The following FMN2 variants were observed in gnomAD, a reference collection of about 807,000 sequenced individuals.
FMN2 encodes formin 2, also known as formin-2.
A neutral mutation model predicts 142.3 loss-of-function variants in FMN2; 51 were observed. The observed-to-expected ratio is 0.36, with a 90% CI of 0.29 to 0.45. The LOEUF is 0.45. Among genes scored for constraint, FMN2 ranks in the 20% least tolerant of loss-of-function variants. FMN2 has a pLI of 1.00. For missense variants in FMN2, 1,936 were observed against 2,122.8 expected (o/e 0.91, Z 1.73); for synonymous variants, 882 against 869.8 (o/e 1.01, Z -0.25).
At chr1:240,465,969 T>C (rs1323295915) in intron 16 of FMN2, among the ~76,000 whole-genome samples, 1 of 152,158 alleles carries the variant, frequency 6.6e-6, no homozygotes. Context: ...TGACAATAAA[T>C]GGGTCTGGGG....
chr1:240,260,968 G>A (rs2102902488), intron 7 of FMN2, among the ~76,000 whole-genome samples: 1 of 152,256 alleles, frequency 6.6e-6, no homozygotes, highest in South Asian at 2.1e-4. Flanking sequence ...TTCTCCTACA[G>A]TGTCTTGCCA....
intron 2 of FMN2, among the ~76,000 whole-genome samples, chr1:240,134,826 T>C (rs1167966642): frequency 1.3e-5 from 2 of 152,168 alleles, no homozygotes; most frequent in Non-Finnish European, 2.9e-5. Flanking sequence ...TTTACTGCTA[T>C]AATTACCACA....
chr1:240,155,367 C>G (rs1663979155), intron 2 of FMN2, among the ~76,000 whole-genome samples: 1 of 152,188 alleles, frequency 6.6e-6, no homozygotes, highest in Admixed American at 6.5e-5. Flanking sequence ...TAGCTTCTAA[C>G]TCCTAGCCTC....
chr1:240,169,744 G>T (rs1358202217), intron 2 of FMN2, among the ~76,000 whole-genome samples: 2 of 152,126 alleles, frequency 1.3e-5, no homozygotes, highest in Non-Finnish European at 2.9e-5. Flanking sequence ...TGAAGTGCTG[G>T]AATTATAGGC....
Position 240,328,595 on chromosome 1 carries a change from ATTTATTTATTTG to A in FMN2, c.4216-480_4216-469del, listed in dbSNP as rs1228382690. On this transcript the variant is annotated intron_variant, in intron 8 of 17. Transcript: ENST00000319653. Reference sequence around the variant, plus strand: ...TATTTATTTATTTATTTATTTATTTATTTATTTATTTGAGACAAGAGTCTTGCTCTGTCACCC... The same window carrying A: ...TATTTATTTATTTATTTATTTATTTAAGACAAGAGTCTTGCTCTGTCACCC... 6.1e-3 allele frequency among the ~76,000 whole-genome samples: 827 copies of A among 135,840 alleles called. 13 individuals carry two copies. The highest frequency in any genetic ancestry group is 0.02 in the African/African-American group (748 of 37,152). 89.1% of individuals were successfully genotyped at this position (135,840 alleles called of 152,430 possible).
chr1:240,144,196 C>T (rs1049272710), intron 2 of FMN2: 10 of 1,499,966 alleles, frequency 6.7e-6, no homozygotes, highest in South Asian at 1.1e-5. Context: ...CATTTGTTGC[C>T]ATCATCGTTA....
chr1:240,452,696 A>T (rs1572331116), intron 16 of FMN2, among the ~76,000 whole-genome samples: 1 of 152,206 alleles, frequency 6.6e-6, no homozygotes, highest in Admixed American at 6.5e-5. Flanking sequence ...GGTAGAAAAA[A>T]TAGTAGAAAA....
At chr1:240,102,304 A>G (rs1661443663) in intron 1 of FMN2, among the ~76,000 whole-genome samples, 1 of 152,208 alleles carries the variant, frequency 6.6e-6, no homozygotes, top group African/African-American at 2.4e-5. Context: ...GAATAGAACT[A>G]TTTCAGGATC....
intron 6 of FMN2, among the ~76,000 whole-genome samples, chr1:240,223,049 CCTTGT>C (rs1172783348): frequency 6.6e-6 from 1 of 152,152 alleles, no homozygotes; most frequent in Admixed American, 6.5e-5. Context: ...GAGAGGGCAT[CCTTGT>C]CTTGTGCCAG....
In FMN2 at chr1:240,162,750, A is replaced by G. The variant is rs1664331445; in HGVS notation, c.1783-15171A>G. Reference sequence around the variant, plus strand: ...AAGACTTCTTTGGAGGCTATTTATTAACACTTAAATCTGTTTCCTTCTTTC... The same window carrying G: ...AAGACTTCTTTGGAGGCTATTTATTGACACTTAAATCTGTTTCCTTCTTTC... On this transcript the variant is annotated intron_variant, in intron 2 of 17. Coordinates refer to ENST00000319653, the MANE Select transcript of FMN2 (RefSeq NM_020066.5). Among the ~76,000 whole-genome samples, 3 of 152,126 alleles carry G rather than the reference A, an allele frequency of 2.0e-5. No homozygotes were observed. In the South Asian group the frequency reaches 6.2e-4, roughly 31 times the overall value.
intron 4 of FMN2, among the ~76,000 whole-genome samples, chr1:240,196,756 G>A (rs111686180): frequency 1.1e-4 from 16 of 152,188 alleles, no homozygotes; most frequent in African/African-American, 3.4e-4. Flanking sequence ...CAGGCGAACC[G>A]CCGGCCTCGA....
intron 7 of FMN2, among the ~76,000 whole-genome samples, chr1:240,288,561 C>T (rs929925621): frequency 1.3e-5 from 2 of 152,118 alleles, no homozygotes; most frequent in African/African-American, 4.8e-5. Context: ...CTCAGATGGT[C>T]CCTGGAGATC....
At chr1:240,219,462 C>T (rs534992348) in intron 6 of FMN2, among the ~76,000 whole-genome samples, 4 of 152,190 alleles carry the variant, frequency 2.6e-5, no homozygotes, top group South Asian at 4.1e-4. Context: ...TTATTCACAA[C>T]CAAACTTCGT....
At chr1:240,150,209 C>T (rs1663703863) in intron 2 of FMN2, among the ~76,000 whole-genome samples, 1 of 152,066 alleles carries the variant, frequency 6.6e-6, no homozygotes, top group African/African-American at 2.4e-5. Context: ...AAATTTTGTA[C>T]AGAAGCTTAC....
At chr1:240,122,293 C>T (rs535168872) in intron 1 of FMN2, among the ~76,000 whole-genome samples, 19 of 151,028 alleles carry the variant, frequency 1.3e-4, no homozygotes, top group East Asian at 3.9e-4. Flanking sequence ...GATGGAGTTT[C>T]GCTCTTGTCT....
At chr1:240,270,908 T>C (rs1238358642) in intron 7 of FMN2, among the ~76,000 whole-genome samples, 2 of 151,868 alleles carry the variant, frequency 1.3e-5, no homozygotes, top group African/African-American at 2.4e-5. Flanking sequence ...GAGGAATAAG[T>C]CCTGCTGGTC....
chr1:240,234,953 A>T (rs1471736543), intron 6 of FMN2, among the ~76,000 whole-genome samples: 1 of 152,314 alleles, frequency 6.6e-6, no homozygotes. Flanking sequence ...TTACAATTTC[A>T]GATTGTTCAA....
At chr1:240,180,109 C>G in intron 3 of FMN2, 1 of 1,132,496 alleles carries the variant, frequency 8.8e-7, no homozygotes, top group Non-Finnish European at 1.2e-6. Flanking sequence ...TTGCAAAATG[C>G]TAGAGCAAGT....
chr1:240,123,490 A>C, intron 2 of FMN2, 145 bp downstream of exon 2: 2 of 383,714 alleles, frequency 5.2e-6, no homozygotes, highest in Non-Finnish European at 8.5e-6. Flanking sequence ...ACAGCTCGGT[A>C]TGTCTGTTTG....
Sources: allele counts gnomAD v4.1 joint callset (sites outside exome capture counted in the v4.1 genomes callset), GRCh38; gene constraint gnomAD v4.1.1; transcripts MANE v1.5; gene names NCBI Gene and HGNC (gene_info 2026-07-23, HGNC 2026-07-21).